Variants in PTPRT observed in about 807,000 individuals in gnomAD.
PTPRT encodes receptor-type tyrosine-protein phosphatase T.
In PTPRT, 56 loss-of-function variants were observed where a neutral mutation model predicts 176.8. The observed-to-expected ratio is 0.32, with a 90% confidence interval of 0.26 to 0.40. The LOEUF (loss-of-function observed/expected upper bound fraction) is 0.40, where lower values mean the gene tolerates loss of function less well. PTPRT is among the 10% of genes least tolerant of loss of function. PTPRT has a pLI of 1.00. For synonymous variants in PTPRT, 783 were observed against 739.0 expected (o/e 1.06, Z -0.96); for missense variants, 1,540 against 1,908.2 (o/e 0.81, Z 3.60).
chr20:42,862,177 C>A (rs980396694), intron 2 of PTPRT, among the ~76,000 whole-genome samples: 2 of 152,088 alleles, frequency 1.3e-5, no homozygotes, highest in Non-Finnish European at 2.9e-5. Context: ...TCAGTTTGAA[C>A]TGGCCACATT....
intron 7 of PTPRT, among the ~76,000 whole-genome samples, chr20:42,629,043 T>C (rs1015300371): frequency 3.9e-5 from 6 of 152,120 alleles, no homozygotes; most frequent in African/African-American, 1.4e-4. Flanking sequence ...AGTATGTGAG[T>C]TTTGTCTACA....
chr20:43,001,978 T>C (rs1025483973), intron 1 of PTPRT, among the ~76,000 whole-genome samples: 1 of 152,136 alleles, frequency 6.6e-6, no homozygotes, highest in South Asian at 2.1e-4. Flanking sequence ...TCATCTTGAA[T>C]TGCAATCCCC....
At chr20:42,089,680 T>G (rs1333800237) in intron 27 of PTPRT, among the ~76,000 whole-genome samples, 1 of 152,200 alleles carries the variant, frequency 6.6e-6, no homozygotes, top group Non-Finnish European at 1.5e-5. Context: ...TGCCCTAATT[T>G]GTGAGACTAC....
intron 2 of PTPRT, among the ~76,000 whole-genome samples, chr20:42,809,649 C>T (rs6130228): frequency 1.3e-5 from 2 of 152,148 alleles, no homozygotes; most frequent in African/African-American, 4.8e-5. Context: ...TCCTCTTTGC[C>T]TCTTGCAGCC....
chr20:42,677,916 C>G lies in PTPRT; in HGVS notation c.1103G>C (p.Gly368Ala), dbSNP rs887196694. ...GGGAGGCCCTGGCGGTCCCGTACCC[C>G]CCTCACCTGGTCGTGTGAGGAGCAC... Reference protein sequence around the residue: ...IRVLLTRPGEGGTGPPGPPLT... With the variant: ...IRVLLTRPGEAGTGPPGPPLT... Residue 368 changes from glycine (G) to alanine (A), a missense_variant, in exon 7 of 31, where the codon GGG (glycine) becomes GCG (alanine). Physicochemically the swap from Gly to Ala is moderately conservative, Grantham distance 60 (BLOSUM62 0). Transcript: ENST00000373187. 2 of 1,614,126 alleles carry G rather than the reference C, an allele frequency of 1.2e-6. No homozygotes were observed. Among genetic ancestry groups the G allele is most frequent in the East Asian group, 2.2e-5 (1 of 44,870 alleles).
chr20:43,158,815 C>G (rs1411192675), intron 1 of PTPRT, among the ~76,000 whole-genome samples: 1 of 152,218 alleles, frequency 6.6e-6, no homozygotes, highest in African/African-American at 2.4e-5. Context: ...AATGGTTTGA[C>G]TCTAGCTGTG....
intron 1 of PTPRT, among the ~76,000 whole-genome samples, chr20:43,012,615 G>A (rs1030793708): frequency 1.3e-5 from 2 of 152,206 alleles, no homozygotes; most frequent in East Asian, 3.9e-4. Flanking sequence ...TAATTAGTGG[G>A]TGCAATCAGG....
intron 6 of PTPRT, among the ~76,000 whole-genome samples, chr20:42,747,484 G>A (rs1010455180): frequency 1.3e-5 from 2 of 152,080 alleles, no homozygotes; most frequent in African/African-American, 4.8e-5. Context: ...GATCTAGGAG[G>A]AAAACCAAAG....
chr20:43,082,618 C>A (rs6103145), intron 1 of PTPRT, among the ~76,000 whole-genome samples: 1,793 of 152,228 alleles, frequency 0.012, 38 homozygotes, highest in African/African-American at 0.041. Flanking sequence ...CAGACATCTC[C>A]AGAACCCTGA....
intron 7 of PTPRT, among the ~76,000 whole-genome samples, chr20:42,663,770 C>A (rs1334628060): frequency 6.6e-6 from 1 of 152,110 alleles, no homozygotes; most frequent in Non-Finnish European, 1.5e-5. Context: ...TGAACATTAA[C>A]CCATGCCATT....
intron 2 of PTPRT, among the ~76,000 whole-genome samples, chr20:42,837,813 AG>A (rs1274627441): frequency 1.3e-5 from 2 of 152,158 alleles, no homozygotes; most frequent in Non-Finnish European, 2.9e-5. Context: ...CTGGTGGCAA[AG>A]GAGAAAATAG....
At chr20:42,487,673 G>A (rs969689510) in intron 7 of PTPRT, among the ~76,000 whole-genome samples, 3 of 152,156 alleles carry the variant, frequency 2.0e-5, no homozygotes, top group Non-Finnish European at 4.4e-5. Flanking sequence ...GTGGCCTCTA[G>A]AAGCTGGAAA....
At chr20:42,512,880 A>T (rs562570701) in intron 7 of PTPRT, among the ~76,000 whole-genome samples, 1 of 151,946 alleles carries the variant, frequency 6.6e-6, no homozygotes, top group African/African-American at 2.4e-5. Flanking sequence ...GTTTTTTGAG[A>T]CAGAGTTTCG....
At chr20:42,892,145 C>T (rs2079203984) in intron 1 of PTPRT, among the ~76,000 whole-genome samples, 1 of 152,192 alleles carries the variant, frequency 6.6e-6, no homozygotes, top group African/African-American at 2.4e-5. Context: ...GGAACTTACC[C>T]AGCGAGGGAA....
At chr20:43,022,812 C>G (rs531182270) in intron 1 of PTPRT, among the ~76,000 whole-genome samples, 9 of 152,176 alleles carry the variant, frequency 5.9e-5, no homozygotes, top group Non-Finnish European at 1.2e-4. Flanking sequence ...TGCCAGGCAG[C>G]CTTCAGCAGC....
chr20:42,218,883 T>C (rs1389705516), intron 15 of PTPRT, among the ~76,000 whole-genome samples: 1 of 152,166 alleles, frequency 6.6e-6, no homozygotes, highest in Non-Finnish European at 1.5e-5. Context: ...GATAAATTAA[T>C]GGATGTGTTA....
intron 1 of PTPRT, among the ~76,000 whole-genome samples, chr20:43,122,285 T>C (rs1651143273): frequency 6.6e-6 from 1 of 152,196 alleles, no homozygotes; most frequent in South Asian, 2.1e-4. Flanking sequence ...GTATCAGACA[T>C]ATAAATGATT....
At chr20:42,961,055 T>C (rs1981956476) in intron 1 of PTPRT, among the ~76,000 whole-genome samples, 1 of 152,076 alleles carries the variant, frequency 6.6e-6, no homozygotes, top group South Asian at 2.1e-4. Flanking sequence ...CTGGTTTCCA[T>C]GAAAAACAAT....
At chr20:42,270,177 A>AGAAG (rs1391224873) in intron 13 of PTPRT, among the ~76,000 whole-genome samples, 4 of 151,398 alleles carry the variant, frequency 2.6e-5, no homozygotes, top group Admixed American at 1.3e-4. Flanking sequence ...AAGCATTAGT[A>AGAAG]GAAGGAATGA....
Sources: gnomAD v4.1 joint callset for allele counts (sites outside exome capture counted in the v4.1 genomes callset) on GRCh38, gnomAD v4.1.1 for gene constraint, MANE v1.5 for transcripts, NCBI Gene and HGNC (gene_info 2026-07-23, HGNC 2026-07-21) for gene names.